Variants in RIT2 observed in about 807,000 individuals in gnomAD.
The protein encoded by RIT2 is Ras like without CAAX 2, also known as GTP-binding protein Rit2.
A neutral mutation model predicts 23.7 loss-of-function variants in RIT2; 24 were observed. The observed-to-expected ratio is 1.01, with a 90% CI of 0.73 to 1.43. The LOEUF is 1.43. RIT2 is among the 40% of genes most tolerant of loss of function. The pLI, the probability that RIT2 is intolerant of heterozygous loss-of-function variation, is 0.00. For synonymous variants in RIT2, 107 were observed against 91.1 expected (o/e 1.17, Z -0.99); for missense variants, 236 against 266.9 (o/e 0.88, Z 0.81).
At chr18:42,938,464 C>A (rs1426246687) in intron 3 of RIT2, among the ~76,000 whole-genome samples, 1 of 152,142 alleles carries the variant, frequency 6.6e-6, no homozygotes, top group East Asian at 1.9e-4. Flanking sequence ...GTACATACTG[C>A]CAAAATTTGG....
At chr18:43,080,107 G>A (rs185108845) in intron 1 of RIT2, among the ~76,000 whole-genome samples, 1 of 152,286 alleles carries the variant, frequency 6.6e-6, no homozygotes, top group African/African-American at 2.4e-5. Context: ...GTATTTATTA[G>A]TAACTAAGAC....
At chr18:42,745,225 G>C (rs1216686021) in intron 4 of RIT2, among the ~76,000 whole-genome samples, 1 of 152,050 alleles carries the variant, frequency 6.6e-6, no homozygotes, top group South Asian at 2.1e-4. Context: ...GAGTTACCAG[G>C]ACTCTGAATA....
chr18:42,848,405 A>G (rs1172209333), intron 4 of RIT2, among the ~76,000 whole-genome samples: 1 of 152,210 alleles, frequency 6.6e-6, no homozygotes, highest in African/African-American at 2.4e-5. Flanking sequence ...TAGATATATC[A>G]GTGTATACCT....
intron 4 of RIT2, among the ~76,000 whole-genome samples, chr18:42,819,449 TTTGTTG>T (rs1054916746): frequency 6.6e-6 from 1 of 152,128 alleles, no homozygotes; most frequent in Admixed American, 6.6e-5. Context: ...TAGGTGTGGT[TTTGTTG>T]TTGTTGTTGT....
intron 4 of RIT2, among the ~76,000 whole-genome samples, chr18:42,887,489 AC>A (rs1265196943): frequency 6.6e-6 from 1 of 152,170 alleles, no homozygotes; most frequent in East Asian, 1.9e-4. Context: ...AATCCAAAAC[AC>A]TGACAAAAAC....
chr18:42,965,249 CTTTGT>C (rs1190914076), intron 3 of RIT2, among the ~76,000 whole-genome samples: 1 of 152,070 alleles, frequency 6.6e-6, no homozygotes, highest in African/African-American at 2.4e-5. Flanking sequence ...ACATTTAACT[CTTTGT>C]TTTAAGAATG....
At chr18:43,010,190 C>T (rs1435698158) in intron 2 of RIT2, among the ~76,000 whole-genome samples, 3 of 151,786 alleles carry the variant, frequency 2.0e-5, no homozygotes, top group Non-Finnish European at 2.9e-5. Flanking sequence ...TCATCCTCAG[C>T]CTCTGAAGAA....
At chr18:43,007,515 C>G (rs529292961) in intron 2 of RIT2, among the ~76,000 whole-genome samples, 1 of 151,526 alleles carries the variant, frequency 6.6e-6, no homozygotes, top group African/African-American at 2.4e-5. Flanking sequence ...TGGCTGAGTA[C>G]AGTTCTGAGG....
intron 4 of RIT2, among the ~76,000 whole-genome samples, chr18:42,769,305 T>A (rs986143234): frequency 6.6e-6 from 1 of 152,198 alleles, no homozygotes; most frequent in Admixed American, 6.6e-5. Flanking sequence ...TCTACATTGG[T>A]ATTCTGTAAA....
At chr18:42,940,269 T>TATATATATATATATATGC (rs1555648056) in intron 3 of RIT2, among the ~76,000 whole-genome samples, 7 of 137,984 alleles carry the variant, frequency 5.1e-5, no homozygotes, top group African/African-American at 1.6e-4. Context: ...TATATATATA[T>TATATATATATATATATGC]GCACACACAC....
At chr18:43,100,410 G>C (rs919672091) in intron 1 of RIT2, among the ~76,000 whole-genome samples, 7 of 152,244 alleles carry the variant, frequency 4.6e-5, no homozygotes, top group African/African-American at 1.7e-4. Context: ...GATCACAGAA[G>C]TGACATTGGC....
At chr18:42,867,097 G>A (rs1341740105) in intron 4 of RIT2, among the ~76,000 whole-genome samples, 1 of 152,080 alleles carries the variant, frequency 6.6e-6, no homozygotes. Flanking sequence ...CCTTAATTGG[G>A]AGGGAGGCTT....
At chr18:42,849,174 C>T (rs566829321) in intron 4 of RIT2, among the ~76,000 whole-genome samples, 25 of 152,274 alleles carry the variant, frequency 1.6e-4, no homozygotes, top group Admixed American at 1.5e-3. Flanking sequence ...GGGCCCACAC[C>T]TGAGTGCCTA....
chr18:42,889,903 C>G (rs1908125116), intron 4 of RIT2, among the ~76,000 whole-genome samples: 1 of 152,000 alleles, frequency 6.6e-6, no homozygotes, highest in Non-Finnish European at 1.5e-5. Flanking sequence ...ATTCATTTAA[C>G]CAGACTTGTC....
At chr18:43,107,594 G>C (rs1913855019) in intron 1 of RIT2, among the ~76,000 whole-genome samples, 1 of 152,064 alleles carries the variant, frequency 6.6e-6, no homozygotes, top group African/African-American at 2.4e-5. Context: ...CATGATCCCA[G>C]GTTTCAATAA....
At chr18:42,959,116 CT>C (rs1910041493) in intron 3 of RIT2, among the ~76,000 whole-genome samples, 1 of 152,178 alleles carries the variant, frequency 6.6e-6, no homozygotes, top group Non-Finnish European at 1.5e-5. Context: ...CATGAAGGGA[CT>C]CCATCTCTGC....
At chr18:42,949,752 C>G (rs1909806551) in intron 3 of RIT2, among the ~76,000 whole-genome samples, 2 of 152,000 alleles carry the variant, frequency 1.3e-5, no homozygotes, top group African/African-American at 4.8e-5. Context: ...TAATCTGAGA[C>G]TTGTCTCTCC....
At chr18:42,759,655 C>G (rs1333373637) in intron 4 of RIT2, among the ~76,000 whole-genome samples, 1 of 149,702 alleles carries the variant, frequency 6.7e-6, no homozygotes, top group Non-Finnish European at 1.5e-5. Context: ...CCAGTGTAGT[C>G]GGAAAGCAGC....
At chr18:42,806,100 AATAT>A (rs58214096) in intron 4 of RIT2, among the ~76,000 whole-genome samples, 51,897 of 139,700 alleles carry the variant, frequency 0.37, 10,380 homozygotes, top group East Asian at 0.48. Context: ...TAATAAAATT[AATAT>A]ATATATATAT....
Sources: gnomAD v4.1 joint callset for allele counts (sites outside exome capture counted in the v4.1 genomes callset) on GRCh38, gnomAD v4.1.1 for gene constraint, MANE v1.5 for transcripts, NCBI Gene and HGNC (gene_info 2026-07-23, HGNC 2026-07-21) for gene names.